Variants in RAD18 observed in about 807,000 individuals in gnomAD.
The protein encoded by RAD18 is RAD18 E3 ubiquitin protein ligase.
RAD18 carries 47 observed loss-of-function variants against 60.4 expected under a neutral mutation model. The observed-to-expected ratio is 0.78, with a 90% CI of 0.62 to 0.99. The LOEUF is 0.99. Ranked by LOEUF, RAD18 falls within the 50% of genes least tolerant of loss-of-function variation. The pLI is 0.00. For synonymous variants in RAD18, 225 were observed against 195.5 expected, an observed-to-expected ratio of 1.15 and a Z score of -1.26; for missense variants, 640 against 593.3, an observed-to-expected ratio of 1.08 and a Z score of -0.82.
intron 7 of RAD18, among the ~76,000 whole-genome samples, chr3:8,922,134 C>T (rs1019448017): frequency 2.0e-5 from 3 of 152,176 alleles, no homozygotes; most frequent in Admixed American, 6.5e-5. Flanking sequence ...TGAAGCAGGG[C>T]GAGGCATCGC....
chr3:8,961,100 T>C (rs1246256945), intron 1 of RAD18, among the ~76,000 whole-genome samples: 2 of 152,206 alleles, frequency 1.3e-5, no homozygotes, highest in Non-Finnish European at 2.9e-5. Context: ...TTCTTATCTA[T>C]GCCATCCTCT....
intron 1 of RAD18, among the ~76,000 whole-genome samples, chr3:8,960,898 T>A (rs1160911761): frequency 1.3e-5 from 2 of 152,216 alleles, no homozygotes; most frequent in African/African-American, 2.4e-5. Flanking sequence ...CGTGTACACA[T>A]ATTACATTTA....
chr3:8,937,736 T>C lies in RAD18; in HGVS notation c.705-1681A>G, dbSNP rs182855542. 5.6e-4 allele frequency among the ~76,000 whole-genome samples: 86 copies of C among 152,264 alleles called. No individual in the cohort carries two copies. In the South Asian group the frequency reaches 6.6e-3, roughly 12 times the overall value. On this transcript the variant is annotated intron_variant, in intron 6 of 12. Transcript: ENST00000264926. ...GGCGGTCAAATAAATTTAGGATTACTAAATTAAACAAAACCTAACAGTAAC... is the reference window on the plus strand; with the variant it reads ...GGCGGTCAAATAAATTTAGGATTACCAAATTAAACAAAACCTAACAGTAAC...
chr3:8,913,641 TA>T lies in RAD18; in HGVS notation c.966+2del. ...CATATACTGAAATAGCCCATTAACA[TA>T]CACTTTCATTGAGTTTACTAGCTTC... On this transcript the variant is annotated splice_donor_variant, in intron 8 of 12. Transcript: ENST00000264926. LOFTEE classifies it high-confidence loss of function. The T allele has an allele frequency of 6.5e-7, 1 of 1,534,786 alleles. No individual in the cohort carries two copies. Among genetic ancestry groups the T allele is most frequent in the East Asian group, 2.3e-5 (1 of 43,318 alleles).
At chr3:8,887,900 G>C (rs937367478) in intron 12 of RAD18, among the ~76,000 whole-genome samples, 3 of 152,184 alleles carry the variant, frequency 2.0e-5, no homozygotes, top group Admixed American at 6.5e-5. Flanking sequence ...GAGTATGCCT[G>C]TGACATGCAA....
chr3:8,877,765 T>C lies in RAD18; in HGVS notation c.*3592A>G, dbSNP rs544009320. The C allele has an allele frequency of 1.3e-5, 2 of 150,058 alleles. No individual in the cohort carries two copies. Among genetic ancestry groups the C allele is most frequent in the East Asian group, 3.9e-4 (2 of 5,140 alleles). The allele number at this position is 150,058 out of a possible 1,614,324, so 9.3% of individuals were successfully genotyped here. On this transcript the variant is annotated 3_prime_UTR_variant, in exon 13 of 13. Coordinates refer to ENST00000264926, the MANE Select transcript of RAD18 (RefSeq NM_020165.4). ...CACATTACTTGACATATAGTCCTAA[T>C]AGTTGAAGGAAGGAAGGACAGGAAG... is the stretch of plus-strand genomic sequence containing the variant.
chr3:8,906,620 A>G lies in RAD18; in HGVS notation c.1028-4100T>C, dbSNP rs549246410. Among the ~76,000 whole-genome samples, 9 of 152,018 alleles carry G rather than the reference A, an allele frequency of 5.9e-5. No individual in the cohort carries two copies. In the South Asian group the frequency reaches 1.7e-3, roughly 28 times the overall value. Reference sequence around the variant, plus strand: ...CTAAGTCATGATTTGTTTTCTCTCTATCTCAGAGATCACAGTCCTGTGCTA... The same window carrying G: ...CTAAGTCATGATTTGTTTTCTCTCTGTCTCAGAGATCACAGTCCTGTGCTA... On this transcript the variant is annotated intron_variant, in intron 9 of 12. Transcript: ENST00000264926.
At chr3:8,887,921 C>A (rs1939599248) in intron 12 of RAD18, among the ~76,000 whole-genome samples, 1 of 152,150 alleles carries the variant, frequency 6.6e-6, no homozygotes, top group South Asian at 2.1e-4. Flanking sequence ...ACTAACCAAT[C>A]CAGAGTCACA....
Position 8,955,635 on chromosome 3 carries a change from CA to C in RAD18, c.133+3284del, listed in dbSNP as rs1276947079. On this transcript the variant is annotated intron_variant, in intron 2 of 12. Coordinates refer to ENST00000264926, the MANE Select transcript of RAD18 (RefSeq NM_020165.4). ...TTAGATGCTTGAGGGCAGCTGAAAA[CA>C]AAAAAAGAGGCTGATGGCTTACAGC... is the stretch of plus-strand genomic sequence containing the variant. Among the ~76,000 whole-genome samples the C allele has an allele frequency of 2.0e-5, 3 of 151,970 alleles. No homozygotes were observed. In the East Asian group the frequency reaches 5.8e-4, roughly 29 times the overall value.
chr3:8,890,231 T>C (rs1412517996), intron 12 of RAD18, 158 bp downstream of exon 12: 1 of 601,728 alleles, frequency 1.7e-6, no homozygotes, highest in Non-Finnish European at 2.9e-6. Flanking sequence ...CAGAAATATA[T>C]AGAAACAAGT....
intron 2 of RAD18, among the ~76,000 whole-genome samples, chr3:8,957,591 T>C (rs1941034389): frequency 6.6e-6 from 1 of 152,262 alleles, no homozygotes; most frequent in Non-Finnish European, 1.5e-5. Flanking sequence ...TTTAGGTTCA[T>C]GCTCTTTCCT....
chr3:8,956,117 A>T (rs537342167), intron 2 of RAD18, among the ~76,000 whole-genome samples: 3 of 152,336 alleles, frequency 2.0e-5, no homozygotes, highest in African/African-American at 7.2e-5. Flanking sequence ...GGTACTGTAG[A>T]TCTTAGCAAC....
At chr3:8,898,381 CGTGTGTGTGTGTGT>C (rs59853617) in intron 11 of RAD18, among the ~76,000 whole-genome samples, 2 of 148,338 alleles carry the variant, frequency 1.3e-5, no homozygotes, top group South Asian at 2.2e-4. Flanking sequence ...TGTGTGCATG[CGTGTGTGTGTGTGT>C]GTGTGTGTGT....
intron 3 of RAD18, among the ~76,000 whole-genome samples, chr3:8,948,271 GAATT>G (rs1940869670): frequency 6.6e-6 from 1 of 152,156 alleles, no homozygotes; most frequent in South Asian, 2.1e-4. Flanking sequence ...TGGGTCATAA[GAATT>G]AAAGAGTGCT....
Position 8,941,782 on chromosome 3 carries a change from A to C in RAD18, c.289T>G (p.Leu97Val). The C allele has an allele frequency of 1.9e-6, 3 of 1,613,112 alleles. No individual in the cohort carries two copies. Among genetic ancestry groups the C allele is most frequent in the Non-Finnish European group, 2.5e-6 (3 of 1,179,398 alleles). ...FARNHLLQFALESPAKSPASS... is the reference protein window; with the variant it reads ...FARNHLLQFAVESPAKSPASS... The stretch of plus-strand genomic sequence containing the variant: ...GCAGGAGATTTGGCTGGTGACTCTA[A>C]AGCAAACTGCAGCAGATGATTCCTT... The change falls in exon 5 of 13, where the codon TTA (leucine) becomes GTA (valine). Residue 97 changes from leucine (L) to valine (V), a missense_variant. Physicochemically the swap from Leu to Val is conservative, Grantham distance 32. Transcript: ENST00000264926.
chr3:8,944,992 C>A (rs1398719733), intron 4 of RAD18, among the ~76,000 whole-genome samples: 1 of 152,060 alleles, frequency 6.6e-6, no homozygotes, highest in Non-Finnish European at 1.5e-5. Context: ...ATAAAAGTAA[C>A]AATACAACAA....
rs1940487837 is a variant in RAD18, at chr3:8,928,449, A to G, written c.889+7422T>C. Among the ~76,000 whole-genome samples, 3 of 152,326 alleles carry G rather than the reference A, an allele frequency of 2.0e-5. No homozygotes were observed. In the South Asian group the frequency reaches 6.2e-4, roughly 32 times the overall value. On this transcript the variant is annotated intron_variant, in intron 7 of 12. Coordinates refer to ENST00000264926, the MANE Select transcript of RAD18 (RefSeq NM_020165.4). ...GCTTACAATAAAACACAGCTTAAAC[A>G]TAATGGTATAATAGGTTTAAAGAAA...
chr3:8,919,991 T>C (rs1940286255), intron 7 of RAD18, among the ~76,000 whole-genome samples: 1 of 151,666 alleles, frequency 6.6e-6, no homozygotes, highest in Admixed American at 6.6e-5. Context: ...AATAAGAAAA[T>C]AACAAGGCAG....
intron 9 of RAD18, 105 bp from the exon 10 acceptor site, chr3:8,902,625 C>T: frequency 8.5e-7 from 1 of 1,174,672 alleles, no homozygotes; most frequent in Non-Finnish European, 1.2e-6. Flanking sequence ...GGCATGGTGG[C>T]TTACGCCTGT....
Sources: gnomAD v4.1 joint callset for allele counts (sites outside exome capture counted in the v4.1 genomes callset) on GRCh38, gnomAD v4.1.1 for gene constraint, MANE v1.5 for transcripts, NCBI Gene and HGNC (gene_info 2026-07-23, HGNC 2026-07-21) for gene names.